The following KCNIP4 variants were observed in gnomAD, a reference collection of about 807,000 sequenced individuals.
KCNIP4 encodes Kv channel-interacting protein 4.
Under a neutral mutation model 34.0 loss-of-function variants are expected in KCNIP4, and 12 were observed. The observed-to-expected ratio is 0.35, with a 90% confidence interval of 0.23 to 0.57. The LOEUF is 0.57. Among genes scored for constraint, KCNIP4 ranks in the 20% least tolerant of loss-of-function variants. The probability of loss-of-function intolerance (pLI) is 0.83; values close to 1 mark genes in which losing one functional copy is unlikely to be tolerated. For synonymous variants in KCNIP4, 124 were observed against 102.2 expected (o/e 1.21, Z -1.29); for missense variants, 238 against 311.7 (o/e 0.76, Z 1.78).
At chr4:21,639,726 C>G (rs766376907) in intron 1 of KCNIP4, among the ~76,000 whole-genome samples, 2 of 152,074 alleles carry the variant, frequency 1.3e-5, no homozygotes, top group Non-Finnish European at 2.9e-5. Context: ...ATTCTTTTAG[C>G]TTATGGGTTC....
intron 3 of KCNIP4, among the ~76,000 whole-genome samples, chr4:20,831,438 G>A (rs991396089): frequency 6.6e-6 from 1 of 152,004 alleles, no homozygotes; most frequent in African/African-American, 2.4e-5. Context: ...GGCAATGTAG[G>A]GGCTCTTCAG....
chr4:21,155,402 T>C (rs1753070107), intron 1 of KCNIP4, among the ~76,000 whole-genome samples: 1 of 152,094 alleles, frequency 6.6e-6, no homozygotes. Context: ...TAGGAGAAAA[T>C]TTCAAGGGCA....
chr4:21,471,592 A>G (rs1453926235), intron 1 of KCNIP4, among the ~76,000 whole-genome samples: 1 of 152,188 alleles, frequency 6.6e-6, no homozygotes, highest in Non-Finnish European at 1.5e-5. Context: ...GCCAATATTT[A>G]TATGTTCTAG....
rs574597177 is a variant in KCNIP4 at position 20,963,305 on chromosome 4, C to T, written c.62-80596G>A. 1.5e-4 allele frequency among the ~76,000 whole-genome samples: 22 copies of T among 149,332 alleles called. 1 individual carries two copies. The highest frequency in any genetic ancestry group is 1.1e-3 in the South Asian group (5 of 4,660). On this transcript the variant is annotated intron_variant, in intron 1 of 8. Transcript: ENST00000382152. The stretch of plus-strand genomic sequence containing the variant: ...TTGCACCACTGCACTCCAGCCTGGG[C>T]GACAGAGCGAGACTCCGTCTCAAAA...
At chr4:21,682,532 C>T (rs1276061290) in intron 1 of KCNIP4, among the ~76,000 whole-genome samples, 1 of 152,128 alleles carries the variant, frequency 6.6e-6, no homozygotes, top group Non-Finnish European at 1.5e-5. Flanking sequence ...ATATTAATTT[C>T]CTACTAGAAC....
intron 1 of KCNIP4, among the ~76,000 whole-genome samples, chr4:21,630,840 G>GT (rs1745715614): frequency 6.6e-6 from 1 of 152,132 alleles, no homozygotes; most frequent in Non-Finnish European, 1.5e-5. Context: ...AGATGTTTCT[G>GT]TTTTTTGCCT....
chr4:21,445,241 C>A (rs1233093044), intron 1 of KCNIP4, among the ~76,000 whole-genome samples: 1 of 152,184 alleles, frequency 6.6e-6, no homozygotes. Context: ...ATCAAGCTAC[C>A]AATGACTTTC....
chr4:20,756,538 A>G (rs1214386294), intron 4 of KCNIP4, among the ~76,000 whole-genome samples: 3 of 152,076 alleles, frequency 2.0e-5, no homozygotes, highest in Non-Finnish European at 4.4e-5. Context: ...CAGTTTCCTC[A>G]TCACTTCACT....
intron 3 of KCNIP4, among the ~76,000 whole-genome samples, chr4:20,791,854 G>A (rs1300969396): frequency 6.6e-6 from 1 of 152,098 alleles, no homozygotes; most frequent in Non-Finnish European, 1.5e-5. Flanking sequence ...TCAATTGAAA[G>A]CCTTAAGAAA....
chr4:21,375,711 C>T (rs528565656), intron 1 of KCNIP4, among the ~76,000 whole-genome samples: 4 of 151,964 alleles, frequency 2.6e-5, no homozygotes, highest in Admixed American at 6.6e-5. Context: ...GGACTACAGG[C>T]GCCTGCCACC....
intron 1 of KCNIP4, among the ~76,000 whole-genome samples, chr4:20,951,003 G>A (rs1462295085): frequency 1.3e-5 from 2 of 152,082 alleles, no homozygotes; most frequent in African/African-American, 4.8e-5. Context: ...ATTTGAAGAT[G>A]GAGTCTCTAA....
At chr4:21,828,473 G>C (rs781564887) in intron 1 of KCNIP4, among the ~76,000 whole-genome samples, 12 of 151,912 alleles carry the variant, frequency 7.9e-5, no homozygotes, top group Non-Finnish European at 1.5e-4. Context: ...TTCCAAAACT[G>C]TTGAAAGACA....
At chr4:21,166,311 G>C (rs1753622222) in intron 1 of KCNIP4, among the ~76,000 whole-genome samples, 1 of 152,232 alleles carries the variant, frequency 6.6e-6, no homozygotes, top group South Asian at 2.1e-4. Flanking sequence ...CACAAAGAAA[G>C]ATACTCCATA....
At chr4:21,266,572 T>C (rs1015425569) in intron 1 of KCNIP4, among the ~76,000 whole-genome samples, 1 of 152,212 alleles carries the variant, frequency 6.6e-6, no homozygotes, top group Non-Finnish European at 1.5e-5. Context: ...CAAAAACTTA[T>C]GGCTAAAGCT....
intron 1 of KCNIP4, among the ~76,000 whole-genome samples, chr4:21,003,692 C>T (rs1249122755): frequency 6.6e-6 from 1 of 152,208 alleles, no homozygotes; most frequent in Non-Finnish European, 1.5e-5. Context: ...ATGTATCTTA[C>T]TGCCCACCTG....
chr4:21,209,839 G>T (rs1234798728), intron 1 of KCNIP4, among the ~76,000 whole-genome samples: 1 of 152,090 alleles, frequency 6.6e-6, no homozygotes, highest in Non-Finnish European at 1.5e-5. Context: ...AAATAAATGA[G>T]ATTTCGTCAT....
chr4:21,215,929 C>T (rs1757544619), intron 1 of KCNIP4, among the ~76,000 whole-genome samples: 1 of 152,106 alleles, frequency 6.6e-6, no homozygotes, highest in African/African-American at 2.4e-5. Flanking sequence ...CATCCTCCTA[C>T]TTCAGCCTCC....
intron 1 of KCNIP4, among the ~76,000 whole-genome samples, chr4:21,438,089 T>C (rs1727114930): frequency 6.6e-6 from 1 of 152,196 alleles, no homozygotes; most frequent in African/African-American, 2.4e-5. Flanking sequence ...CCAGATATTT[T>C]CAAAGCGTGT....
intron 1 of KCNIP4, among the ~76,000 whole-genome samples, chr4:20,966,644 T>C (rs1406234785): frequency 6.6e-6 from 1 of 152,336 alleles, no homozygotes; most frequent in East Asian, 1.9e-4. Flanking sequence ...GACTATCTCA[T>C]GTGTAACAGA....
Sources: gnomAD v4.1 joint callset for allele counts (sites outside exome capture counted in the v4.1 genomes callset) on GRCh38, gnomAD v4.1.1 for gene constraint, MANE v1.5 for transcripts, NCBI Gene and HGNC (gene_info 2026-07-23, HGNC 2026-07-21) for gene names.